Variants in DIP2C observed in about 807,000 individuals in gnomAD.
DIP2C encodes the protein disco-interacting protein 2 homolog C.
In DIP2C, 33 loss-of-function variants were observed where a neutral mutation model predicts 192.4. The observed-to-expected ratio is 0.17, with a 90% CI of 0.13 to 0.23. DIP2C has a LOEUF of 0.23. Among genes scored for constraint, DIP2C ranks in the 10% least tolerant of loss-of-function variants. The probability of loss-of-function intolerance (pLI) is 1.00; values close to 1 mark genes in which losing one functional copy is unlikely to be tolerated. For synonymous variants in DIP2C, 979 were observed against 864.1 expected (o/e 1.13, Z -2.33); for missense variants, 1,537 against 2,110.1 (o/e 0.73, Z 5.32).
At chr10:546,030 C>G (rs994151080) in intron 1 of DIP2C, among the ~76,000 whole-genome samples, 2 of 152,084 alleles carry the variant, frequency 1.3e-5, no homozygotes, top group African/African-American at 4.8e-5. Flanking sequence ...GTAATCCCAC[C>G]CAGCACTTTG....
At chr10:409,769 CAGGGTTTT>C (rs1301679853) in intron 8 of DIP2C, among the ~76,000 whole-genome samples, 1 of 152,200 alleles carries the variant, frequency 6.6e-6, no homozygotes, top group Non-Finnish European at 1.5e-5. Flanking sequence ...TTCCTAACCT[CAGGGTTTT>C]AGGGTTTTTA....
In DIP2C at chr10:354,431, T is replaced by C. The variant is rs1218021094; in HGVS notation, c.2985+1995A>G. Reference sequence around the variant, plus strand: ...GCACCACCCAGCAATCTGAGGGATCTTCCCCAAATCAGGCACAGCTGGAAC... The same window carrying C: ...GCACCACCCAGCAATCTGAGGGATCCTCCCCAAATCAGGCACAGCTGGAAC... On this transcript the variant is annotated intron_variant, in intron 24 of 36. Transcript: ENST00000280886. Among the ~76,000 whole-genome samples the C allele has an allele frequency of 2.0e-5, 3 of 152,208 alleles. No homozygotes were observed. In the East Asian group the frequency reaches 5.8e-4, roughly 29 times the overall value.
chr10:569,737 G>A (rs556739059), intron 1 of DIP2C, among the ~76,000 whole-genome samples: 8 of 152,252 alleles, frequency 5.3e-5, no homozygotes, highest in South Asian at 4.1e-4. Context: ...TGAAATAGAC[G>A]GCTGTGCAGG....
Position 363,263 on chromosome 10 carries a change from G to C in DIP2C, c.2526C>G (p.Ile842Met). Residue 842 changes from isoleucine (I) to methionine (M), a missense_variant, in exon 21 of 37, where the codon ATC becomes ATG. Coordinates refer to ENST00000280886, the MANE Select transcript of DIP2C (RefSeq NM_014974.3). The surrounding 1 kb of genome is among the most constrained non-coding windows in gnomAD (Gnocchi z 5.4). The stretch of plus-strand genomic sequence containing the variant: ...TGGAGTCAGGCCTCTGCTCAGCCAC[G>C]ATCACGATCCTCTCGTCGTGCAGCA... Reference protein sequence around the residue: ...VTVLHDERIVIVAEQRPDSTE... With the variant: ...VTVLHDERIVMVAEQRPDSTE... 6.2e-7 allele frequency: 1 copy of C among 1,613,336 alleles called. No homozygotes were observed. The highest frequency in any genetic ancestry group is 8.5e-7 in the Non-Finnish European group (1 of 1,179,980).
At chr10:497,634 T>G (rs999247266) in intron 1 of DIP2C, among the ~76,000 whole-genome samples, 4 of 152,192 alleles carry the variant, frequency 2.6e-5, no homozygotes, top group African/African-American at 9.6e-5. Context: ...CACAGCAATG[T>G]CTTGGATCCA....
intron 2 of DIP2C, among the ~76,000 whole-genome samples, chr10:473,006 T>C (rs1970754178): frequency 6.6e-6 from 1 of 152,210 alleles, no homozygotes; most frequent in Non-Finnish European, 1.5e-5. Context: ...TTTAACAATA[T>C]AATTCAGGTA....
At chr10:484,699 T>C (rs978742240) in intron 2 of DIP2C, 5 of 1,505,592 alleles carry the variant, frequency 3.3e-6, no homozygotes, top group Non-Finnish European at 1.8e-6. Context: ...CCTACACGTC[T>C]GTACGGGATG....
chr10:539,694 T>C (rs556126292), intron 1 of DIP2C, among the ~76,000 whole-genome samples: 6 of 152,266 alleles, frequency 3.9e-5, no homozygotes, highest in Non-Finnish European at 8.8e-5. Context: ...TCTTATCTTT[T>C]TGTCCACTGA....
At chr10:488,652 A>G (rs941776902) in intron 1 of DIP2C, among the ~76,000 whole-genome samples, 2 of 152,122 alleles carry the variant, frequency 1.3e-5, no homozygotes, top group Admixed American at 1.3e-4. Flanking sequence ...CCTTCTCCGA[A>G]GGAAACGGGA....
At chr10:614,906 C>T (rs957417496) in intron 1 of DIP2C, among the ~76,000 whole-genome samples, 1 of 152,156 alleles carries the variant, frequency 6.6e-6, no homozygotes, top group Non-Finnish European at 1.5e-5. Context: ...CTGGGTTGGC[C>T]CTGACACAAG....
At chr10:655,990 A>G (rs1856279102) in intron 1 of DIP2C, among the ~76,000 whole-genome samples, 1 of 151,324 alleles carries the variant, frequency 6.6e-6, no homozygotes, top group South Asian at 2.1e-4. Flanking sequence ...CCTATTGTAC[A>G]CTATACTATA....
intron 25 of DIP2C, 63 bp downstream of exon 25, chr10:349,268 C>T (rs1354129186): frequency 6.4e-7 from 1 of 1,564,938 alleles, no homozygotes; most frequent in Non-Finnish European, 8.7e-7. Flanking sequence ...GTGTAAGGGA[C>T]CTCCTCGCAC....
At chr10:295,313 G>A (rs573069111) in intron 32 of DIP2C, among the ~76,000 whole-genome samples, 1 of 152,192 alleles carries the variant, frequency 6.6e-6, no homozygotes, top group South Asian at 2.1e-4. Flanking sequence ...TGTAATCCCA[G>A]CACTTTGGGA....
At chr10:442,685 T>TA (rs749836841) in intron 3 of DIP2C, among the ~76,000 whole-genome samples, 3 of 152,212 alleles carry the variant, frequency 2.0e-5, no homozygotes, top group Non-Finnish European at 4.4e-5. Context: ...CAAATGAAAA[T>TA]AAATTTCAGA....
chr10:555,848 G>A (rs538846334), intron 1 of DIP2C, among the ~76,000 whole-genome samples: 10 of 152,116 alleles, frequency 6.6e-5, no homozygotes, highest in African/African-American at 1.2e-4. Context: ...CCCCACGGGA[G>A]GAACACCCAT....
At chr10:601,851 G>A (rs894202239) in intron 1 of DIP2C, among the ~76,000 whole-genome samples, 5 of 152,222 alleles carry the variant, frequency 3.3e-5, no homozygotes, top group Non-Finnish European at 7.3e-5. Flanking sequence ...GAGGCTGCCT[G>A]TTCTCCAGAG....
At chr10:358,664 T>G (rs1406594711) in intron 22 of DIP2C, among the ~76,000 whole-genome samples, 2 of 188 alleles carry the variant, frequency 0.011, no homozygotes, top group Non-Finnish European at 0.019. Flanking sequence ...GGGACGGGGG[T>G]GGGAGGTGGG....
intron 4 of DIP2C, chr10:430,302 G>C (rs1480872827): frequency 6.6e-6 from 1 of 152,148 alleles, no homozygotes; most frequent in Non-Finnish European, 1.5e-5. Flanking sequence ...TCCCACTACT[G>C]ATCAGCTTAG....
chr10:415,932 C>T, intron 6 of DIP2C, 44 bp from the exon 7 acceptor site: 1 of 1,611,854 alleles, frequency 6.2e-7, no homozygotes, highest in Non-Finnish European at 8.5e-7. Context: ...ATCATCACAG[C>T]TTCAATGAGC....
Sources: gnomAD v4.1 joint callset for allele counts (sites outside exome capture counted in the v4.1 genomes callset) on GRCh38, gnomAD v4.1.1 for gene constraint, Gnocchi (gnomAD v3.1) non-coding constraint, MANE v1.5 for transcripts, NCBI Gene and HGNC (gene_info 2026-07-23, HGNC 2026-07-21) for gene names.